The following FILIP1L variants were observed in gnomAD, a reference collection of about 807,000 sequenced individuals.
FILIP1L encodes filamin A interacting protein 1 like.
A neutral mutation model predicts 96.6 loss-of-function variants in FILIP1L; 55 were observed. The observed-to-expected ratio is 0.57, with a 90% confidence interval of 0.46 to 0.71. The LOEUF is 0.71. Ranked by LOEUF, FILIP1L falls within the 30% of genes least tolerant of loss-of-function variation. FILIP1L has a pLI of 0.00. For synonymous variants in FILIP1L, 467 were observed against 473.9 expected, an observed-to-expected ratio of 0.99 and a Z score of 0.19; for missense variants, 1,304 against 1,321.2, an observed-to-expected ratio of 0.99 and a Z score of 0.20.
At chr3:100,045,092 A>C (rs1258806427) in intron 1 of FILIP1L, among the ~76,000 whole-genome samples, 1 of 152,252 alleles carries the variant, frequency 6.6e-6, no homozygotes, top group African/African-American at 2.4e-5. Context: ...GGTAATTGTA[A>C]AAACAGATCT....
At chr3:99,933,483 A>G (rs547839113) in intron 1 of FILIP1L, among the ~76,000 whole-genome samples, 5 of 152,326 alleles carry the variant, frequency 3.3e-5, no homozygotes, top group African/African-American at 1.2e-4. Flanking sequence ...ATATTCATGT[A>G]CTACCACAGT....
chr3:99,847,972 C>T lies in FILIP1L; in HGVS notation c.3381+323G>A, dbSNP rs1032570932. ...ACTGTTTTATAATGTTAAAGTATTT[C>T]ACCAAGACAAGTTGCAGTCAAATTA... is the stretch of plus-strand genomic sequence containing the variant. On this transcript the variant is annotated intron_variant, in intron 5 of 5. Transcript: ENST00000477258. 1.2e-5 allele frequency: 13 copies of T among 1,052,814 alleles called. No individual in the cohort carries two copies. The Admixed American group carries it at 1.5e-4, about 12-fold the overall frequency. 65.2% of individuals were successfully genotyped at this position (1,052,814 alleles called of 1,614,324 possible).
In FILIP1L at chr3:100,021,952, TGTGTGTGTGAGAGAGAGAGAGA is replaced by T. The variant is rs1433131815; in HGVS notation, c.-10-90944_-10-90923del. ...GTGTGTGTGTGTGTGTGTGTGTGTG[TGTGTGTGTGAGAGAGAGAGAGA>T]GAGAGAGAGAGAGAGAGAGATATGA... On this transcript the variant is annotated intron_variant, in intron 1 of 5. Coordinates refer to ENST00000477258, the MANE Select transcript of FILIP1L (RefSeq NM_001387850.1). 7.2e-5 allele frequency among the ~76,000 whole-genome samples: 8 copies of T among 111,534 alleles called. No homozygotes were observed. The East Asian group carries it at 1.1e-3, about 16-fold the overall frequency. 73.2% of individuals were successfully genotyped at this position (111,534 alleles called of 152,430 possible).
intron 1 of FILIP1L, among the ~76,000 whole-genome samples, chr3:99,984,048 A>ATGTGTGTGTGTGTGTGTGTGTGTG (rs367846393): frequency 0.067 from 9,836 of 147,554 alleles, 416 homozygotes; most frequent in South Asian, 0.13. Flanking sequence ...AAGGATGTAT[A>ATGTGTGTGTGTGTGTGTGTGTGTG]TGTATGTGTG....
chr3:100,029,956 A>C (rs767126484), intron 1 of FILIP1L, among the ~76,000 whole-genome samples: 3 of 152,204 alleles, frequency 2.0e-5, no homozygotes, highest in Non-Finnish European at 4.4e-5. Flanking sequence ...GACATGAGTG[A>C]GGACTCTAAG....
chr3:99,962,125 TC>T (rs1231126255), intron 1 of FILIP1L, among the ~76,000 whole-genome samples: 4 of 152,152 alleles, frequency 2.6e-5, no homozygotes, highest in African/African-American at 9.7e-5. Context: ...AGGAAGGTAT[TC>T]CAGGAAGGAC....
chr3:99,942,405 G>A (rs1707876716), intron 1 of FILIP1L, among the ~76,000 whole-genome samples: 1 of 152,258 alleles, frequency 6.6e-6, no homozygotes, highest in South Asian at 2.1e-4. Flanking sequence ...GCAAAATATT[G>A]AGGATCTCTG....
At chr3:99,884,278 C>A (rs991957455) in intron 4 of FILIP1L, among the ~76,000 whole-genome samples, 1 of 152,046 alleles carries the variant, frequency 6.6e-6, no homozygotes, top group Admixed American at 6.6e-5. Context: ...GTCTTCTCTC[C>A]CTTTTTATTT....
chr3:99,915,108 G>T (rs1366401367), intron 4 of FILIP1L, among the ~76,000 whole-genome samples: 1 of 151,914 alleles, frequency 6.6e-6, no homozygotes, highest in African/African-American at 2.4e-5. Flanking sequence ...GCCTTCTTGG[G>T]GATAGTCCCA....
chr3:99,926,606 A>T (rs1327833069), intron 3 of FILIP1L, among the ~76,000 whole-genome samples: 1 of 152,246 alleles, frequency 6.6e-6, no homozygotes, highest in African/African-American at 2.4e-5. Flanking sequence ...TTGTCACAAG[A>T]TTGACATTAG....
At chr3:100,015,122 T>C (rs1710303473) in intron 1 of FILIP1L, among the ~76,000 whole-genome samples, 1 of 152,000 alleles carries the variant, frequency 6.6e-6, no homozygotes, top group African/African-American at 2.4e-5. Context: ...GATATCCAGT[T>C]TTCCCTGCAC....
At chr3:99,837,260 T>G (rs1466312879) in intron 5 of FILIP1L, among the ~76,000 whole-genome samples, 1 of 152,184 alleles carries the variant, frequency 6.6e-6, no homozygotes, top group East Asian at 1.9e-4. Context: ...ATCTGCCTCT[T>G]GTGTTATGGA....
chr3:99,953,735 A>T (rs1010709088), intron 1 of FILIP1L, among the ~76,000 whole-genome samples: 1 of 152,198 alleles, frequency 6.6e-6, no homozygotes, highest in African/African-American at 2.4e-5. Context: ...AACCACAGTG[A>T]TGGCCTTTCC....
chr3:99,842,868 C>CT (rs1559652343), intron 5 of FILIP1L, among the ~76,000 whole-genome samples: 1 of 152,110 alleles, frequency 6.6e-6, no homozygotes, highest in African/African-American at 2.4e-5. Context: ...TTATGAAGTA[C>CT]TTAGAGGTGT....
At chr3:100,108,457 A>G in intron 1 of FILIP1L, among the ~76,000 whole-genome samples, 1 of 152,180 alleles carries the variant, frequency 6.6e-6, no homozygotes, top group East Asian at 1.9e-4. Context: ...TTTAGAGGGT[A>G]ACTTGTTGAG....
intron 1 of FILIP1L, among the ~76,000 whole-genome samples, chr3:99,977,647 T>G (rs949151859): frequency 2.6e-5 from 4 of 152,160 alleles, no homozygotes; most frequent in Non-Finnish European, 4.4e-5. Context: ...CTAAAGTGTA[T>G]AGTACAAACA....
intron 1 of FILIP1L, among the ~76,000 whole-genome samples, chr3:100,019,634 C>T (rs904345638): frequency 6.6e-6 from 1 of 152,118 alleles, no homozygotes; most frequent in African/African-American, 2.4e-5. Context: ...GATATCTTGA[C>T]TATTGCTGTT....
At chr3:100,100,734 GAA>G in intron 1 of FILIP1L, among the ~76,000 whole-genome samples, 1 of 152,314 alleles carries the variant, frequency 6.6e-6, no homozygotes, top group South Asian at 2.1e-4. Flanking sequence ...AAGATGATGA[GAA>G]ATAGCATCAC....
intron 4 of FILIP1L, among the ~76,000 whole-genome samples, chr3:99,896,525 C>G (rs2107620609): frequency 6.6e-6 from 1 of 151,974 alleles, no homozygotes; most frequent in South Asian, 2.1e-4. Context: ...AGAAAGGTTC[C>G]CAAAAGAGAA....
Sources: allele counts gnomAD v4.1 joint callset (sites outside exome capture counted in the v4.1 genomes callset), GRCh38; gene constraint gnomAD v4.1.1; transcripts MANE v1.5; gene names NCBI Gene and HGNC (gene_info 2026-07-23, HGNC 2026-07-21).